The following GPHN variants were observed in gnomAD, a reference collection of about 807,000 sequenced individuals.
GPHN encodes the protein gephyrin.
A neutral mutation model predicts 95.5 loss-of-function variants in GPHN; 17 were observed. The observed-to-expected ratio is 0.18, with a 90% CI of 0.12 to 0.27. GPHN has a LOEUF of 0.27. Among genes scored for constraint, GPHN ranks in the 10% least tolerant of loss-of-function variants. The probability of loss-of-function intolerance (pLI) is 1.00; values close to 1 mark genes in which losing one functional copy is unlikely to be tolerated. For missense variants in GPHN, 660 were observed against 978.1 expected (o/e 0.67, Z 4.34); for synonymous variants, 320 against 322.5 (o/e 0.99, Z 0.08).
At chr14:67,681,755 G>A in the GPHN span, among the ~76,000 whole-genome samples, 8 of 151,976 alleles carry the variant, frequency 5.3e-5, no homozygotes, top group Non-Finnish European at 8.8e-5. Context: ...GCAAGATTCC[G>A]TCTCAAAAAA....
chr14:66,786,325 A>G (rs1471920942), intron 3 of GPHN, among the ~76,000 whole-genome samples: 2 of 152,124 alleles, frequency 1.3e-5, no homozygotes, highest in East Asian at 3.8e-4. Context: ...ACGAACTTCT[A>G]AAACTAACCA....
At chr14:66,979,772 C>T (rs1387637836) in intron 9 of GPHN, among the ~76,000 whole-genome samples, 2 of 152,196 alleles carry the variant, frequency 1.3e-5, no homozygotes, top group East Asian at 1.9e-4. Context: ...GCTGTGTCAG[C>T]GTTCAGCATG....
chr14:67,117,547 C>T (rs2078761137), intron 16 of GPHN, among the ~76,000 whole-genome samples: 1 of 152,014 alleles, frequency 6.6e-6, no homozygotes. Context: ...AGGTTGAACC[C>T]CTGGCAGCTA....
At chr14:67,200,190 TC>T in the GPHN span, 1 of 1,148,698 alleles carries the variant, frequency 8.7e-7, no homozygotes, top group Non-Finnish European at 1.2e-6. Flanking sequence ...GTGGACTTCC[TC>T]CACTGATGCC....
chr14:66,937,654 G>A (rs1330457005), intron 8 of GPHN, among the ~76,000 whole-genome samples: 1 of 152,160 alleles, frequency 6.6e-6, no homozygotes, highest in Non-Finnish European at 1.5e-5. Flanking sequence ...CTGGATTACA[G>A]GCATGAGCCA....
chr14:66,560,184 G>C (rs1310073188), intron 1 of GPHN, among the ~76,000 whole-genome samples: 2 of 152,026 alleles, frequency 1.3e-5, no homozygotes, highest in Non-Finnish European at 2.9e-5. Context: ...GATGCCTCCA[G>C]CTTTGTTCTT....
At chr14:67,615,703 G>A in the GPHN span, 6 of 497,008 alleles carry the variant, frequency 1.2e-5, no homozygotes, top group Non-Finnish European at 3.9e-6. Flanking sequence ...TTACGAAAGA[G>A]AAATGAAAAC....
chr14:66,876,428 A>T (rs2063667618), intron 4 of GPHN, among the ~76,000 whole-genome samples: 1 of 152,000 alleles, frequency 6.6e-6, no homozygotes, highest in South Asian at 2.1e-4. Flanking sequence ...ATAGAGACAC[A>T]AAAAACCTTC....
intron 1 of GPHN, among the ~76,000 whole-genome samples, chr14:66,538,590 G>T (rs1300471817): frequency 2.6e-5 from 4 of 151,646 alleles, no homozygotes; most frequent in Non-Finnish European, 4.4e-5. Flanking sequence ...GCTCTAGGAA[G>T]TTTTATTATT....
At chr14:66,629,354 G>A (rs1344016574) in intron 1 of GPHN, among the ~76,000 whole-genome samples, 1 of 151,130 alleles carries the variant, frequency 6.6e-6, no homozygotes, top group Non-Finnish European at 1.5e-5. Context: ...ATTAGTCTAG[G>A]CCTACACAGG....
intron 3 of GPHN, chr14:66,823,002 T>TTTGTTTA (rs1453058366): frequency 2.0e-5 from 3 of 152,198 alleles, no homozygotes; most frequent in African/African-American, 7.2e-5. Flanking sequence ...GGTTTTGTTT[T>TTTGTTTA]TTGTTTATTG....
chr14:67,042,923 G>C (rs901297008), intron 10 of GPHN, among the ~76,000 whole-genome samples: 44 of 152,114 alleles, frequency 2.9e-4, no homozygotes, highest in African/African-American at 1.1e-3. Context: ...GTTGTTTGTA[G>C]TTCTCCTTGA....
chr14:67,427,435 T>G, the GPHN span, among the ~76,000 whole-genome samples: 1 of 152,144 alleles, frequency 6.6e-6, no homozygotes, highest in Non-Finnish European at 1.5e-5. Flanking sequence ...CGGCGGGCCC[T>G]GGGTTCCAAC....
At chr14:67,657,624 C>CACACA in the GPHN span, among the ~76,000 whole-genome samples, 15,487 of 143,066 alleles carry the variant, frequency 0.11, 788 homozygotes, top group Admixed American at 0.13. Context: ...ACACACACAC[C>CACACA]CAAAATCAAA....
At chr14:66,837,606 AAT>A (rs1270001592) in intron 4 of GPHN, among the ~76,000 whole-genome samples, 2 of 129,030 alleles carry the variant, frequency 1.6e-5, no homozygotes, top group Non-Finnish European at 3.1e-5. Flanking sequence ...AAAATAAATA[AAT>A]AAATAAAAAT....
At chr14:66,553,586 T>TC (rs2059901512) in intron 1 of GPHN, among the ~76,000 whole-genome samples, 1 of 149,936 alleles carries the variant, frequency 6.7e-6, no homozygotes. Flanking sequence ...TTATTGTACT[T>TC]TTTTTTTTTG....
Position 66,922,869 on chromosome 14 carries a change from A to G in GPHN, c.660A>G (p.Lys220=), listed in dbSNP as rs2066292053. 6.2e-7 allele frequency: 1 copy of G among 1,613,684 alleles called. No individual in the cohort carries two copies. Among genetic ancestry groups the G allele is most frequent in the Non-Finnish European group, 8.5e-7 (1 of 1,179,680 alleles). ...GTGAGGAAGAGGAAGAAGAGAAGAA[A>G]GACAGTGGTGTTGCTTCAACAGAAG... ...VQCEEEEEEK[K]DSGVASTEDS... Residue 220 remains lysine (K), a synonymous_variant, in exon 7 of 23, where the codon AAA becomes AAG. Transcript: ENST00000478722.
At chr14:67,609,051 A>G in the GPHN span, among the ~76,000 whole-genome samples, 6 of 152,284 alleles carry the variant, frequency 3.9e-5, no homozygotes, top group South Asian at 8.3e-4. Flanking sequence ...TGAGACATCA[A>G]TTGCAAGTCC....
At chr14:66,558,889 C>A in intron 1 of GPHN, among the ~76,000 whole-genome samples, 1 of 139,366 alleles carries the variant, frequency 7.2e-6, no homozygotes. Flanking sequence ...CCTCCCCCCT[C>A]CCCCAACCCC....
Sources: allele counts gnomAD v4.1 joint callset (sites outside exome capture counted in the v4.1 genomes callset), GRCh38; gene constraint gnomAD v4.1.1; transcripts MANE v1.5; gene names NCBI Gene and HGNC (gene_info 2026-07-23, HGNC 2026-07-21).